Variants in CFAP69 observed in about 807,000 individuals in gnomAD.
CFAP69 encodes cilia- and flagella-associated protein 69.
A neutral mutation model predicts 123.0 loss-of-function variants in CFAP69; 92 were observed. That is an observed-to-expected ratio of 0.75 (90% CI 0.63 to 0.89). The LOEUF (loss-of-function observed/expected upper bound fraction) is 0.89. Among genes scored for constraint, CFAP69 ranks in the 40% least tolerant of loss-of-function variants. The pLI, the probability that CFAP69 is intolerant of heterozygous loss-of-function variation, is 0.00. For missense variants in CFAP69, 1,067 were observed against 1,096.9 expected, an observed-to-expected ratio of 0.97 and a Z score of 0.39; for synonymous variants, 380 against 364.3, an observed-to-expected ratio of 1.04 and a Z score of -0.49.
the CFAP69 span, chr7:90,317,683 C>T: frequency 6.6e-6 from 1 of 152,050 alleles, no homozygotes; most frequent in Non-Finnish European, 1.5e-5. Flanking sequence ...AATAAATGGT[C>T]TATACATCAT....
At chr7:90,261,466 G>GCCTAACCAATTTAAGCATAAT (rs1363201160) in intron 3 of CFAP69, among the ~76,000 whole-genome samples, 6 of 152,124 alleles carry the variant, frequency 3.9e-5, no homozygotes, top group African/African-American at 9.7e-5. Flanking sequence ...ACCAATTTAA[G>GCCTAACCAATTTAAGCATAAT]CCTTAAACAC....
intron 9 of CFAP69, among the ~76,000 whole-genome samples, 163 bp downstream of exon 9, chr7:90,274,273 CT>C (rs1228407608): frequency 6.6e-6 from 1 of 152,170 alleles, no homozygotes; most frequent in Non-Finnish European, 1.5e-5. Flanking sequence ...GCCAATTCTT[CT>C]TTGCAATCCT....
At chr7:90,279,625 A>T in intron 11 of CFAP69, 52 bp from the exon 12 acceptor site, 1 of 1,119,704 alleles carries the variant, frequency 8.9e-7, no homozygotes, top group Non-Finnish European at 1.3e-6. Context: ...TAATTGCCTT[A>T]AAGTATTTTT....
intron 11 of CFAP69, among the ~76,000 whole-genome samples, chr7:90,279,460 A>G (rs1023952138): frequency 1.3e-5 from 2 of 151,964 alleles, no homozygotes; most frequent in African/African-American, 4.8e-5. Flanking sequence ...CATATTTTAT[A>G]TTATTGTCAG....
At chr7:90,272,065 A>G (rs1800033756) in intron 8 of CFAP69, 107 bp downstream of exon 8, 1 of 1,041,216 alleles carries the variant, frequency 9.6e-7, no homozygotes, top group Non-Finnish European at 1.4e-6. Flanking sequence ...TTTTAGATTC[A>G]TGTAATGGCT....
chr7:90,249,660 C>T (rs1796731458), intron 1 of CFAP69, among the ~76,000 whole-genome samples: 1 of 152,018 alleles, frequency 6.6e-6, no homozygotes, highest in South Asian at 2.1e-4. Context: ...GTTTTGTTCC[C>T]CTCATTCTAA....
chr7:90,269,222 G>A (rs907440620), intron 6 of CFAP69, among the ~76,000 whole-genome samples: 4 of 152,032 alleles, frequency 2.6e-5, no homozygotes, highest in African/African-American at 7.2e-5. Context: ...GAGATAGATG[G>A]GGAAGGAGTG....
At chr7:90,287,597 C>CAA in intron 14 of CFAP69, 1 of 985,300 alleles carries the variant, frequency 1.0e-6, no homozygotes, top group African/African-American at 1.7e-5. Flanking sequence ...ATGATGGTTT[C>CAA]AATAGATAGA....
intron 3 of CFAP69, among the ~76,000 whole-genome samples, chr7:90,260,248 G>A (rs981642956): frequency 3.3e-5 from 5 of 151,954 alleles, no homozygotes; most frequent in South Asian, 2.1e-4. Flanking sequence ...TATCAAGCCC[G>A]TGCATTGTGG....
At chr7:90,315,056 A>G (rs767588067), downstream of CFAP69, among the ~76,000 whole-genome samples, 10 of 151,668 alleles carry the variant, frequency 6.6e-5, no homozygotes, top group Non-Finnish European at 1.3e-4. Flanking sequence ...ACAATGAGAT[A>G]CCATCTCACA....
intron 15 of CFAP69, among the ~76,000 whole-genome samples, chr7:90,289,989 G>A (rs550796715): frequency 6.6e-6 from 1 of 152,250 alleles, no homozygotes; most frequent in Admixed American, 6.5e-5. Context: ...CTTCTGTAAT[G>A]TGCTATTTTA....
At chr7:90,263,487 C>T (rs1473212402) in intron 4 of CFAP69, among the ~76,000 whole-genome samples, 1 of 152,116 alleles carries the variant, frequency 6.6e-6, no homozygotes, top group African/African-American at 2.4e-5. Flanking sequence ...TCTTCTGATG[C>T]TTTATCTTAT....
chr7:90,286,054 C>T (rs191034347), intron 13 of CFAP69, among the ~76,000 whole-genome samples: 1 of 152,254 alleles, frequency 6.6e-6, no homozygotes, highest in East Asian at 1.9e-4. Context: ...GTAATCCCAA[C>T]ACTTTGCAAG....
chr7:90,268,598 A>G lies in CFAP69; in HGVS notation c.532+214A>G, dbSNP rs944683838. Among the ~76,000 whole-genome samples, 73 of 152,300 alleles carry G rather than the reference A, an allele frequency of 4.8e-4. 1 individual carries two copies. Among genetic ancestry groups the G allele is most frequent in the African/African-American group, 1.8e-3 (73 of 41,564 alleles). On this transcript the variant is annotated intron_variant, in intron 6 of 22. Transcript: ENST00000389297. ...GCATATTTTTATTCTGATGCTAAAT[A>G]TGAACAAATTTGTAAAGTGATGCCC...
intron 3 of CFAP69, 114 bp from the exon 4 acceptor site, chr7:90,261,833 C>A: frequency 2.0e-6 from 1 of 495,708 alleles, no homozygotes; most frequent in South Asian, 4.6e-5. Flanking sequence ...ACAGTATCTA[C>A]CACATTTGGC....
chr7:90,300,514 T>C lies in CFAP69; in HGVS notation c.2050+455T>C, dbSNP rs75236930. The C allele has an allele frequency of 6.7e-3, 4,673 of 693,254 alleles. 148 individuals carry two copies. The East Asian group carries it at 0.1, about 15-fold the overall frequency. 42.9% of individuals were successfully genotyped at this position (693,254 alleles called of 1,614,324 possible). On this transcript the variant is annotated intron_variant, in intron 17 of 22. Transcript: ENST00000389297. ...AGTTTACTTTTTATATGAAAGAAGA[T>C]ATTGTTTCCTAAATAAAAATAGTCC...
At chr7:90,287,862 A>G in intron 14 of CFAP69, 1 of 514,324 alleles carries the variant, frequency 1.9e-6, no homozygotes, top group South Asian at 8.3e-5. Flanking sequence ...CTTGCATGAT[A>G]GTTCTTACTA....
At chr7:90,287,991 A>T (rs1053435632) in intron 14 of CFAP69, among the ~76,000 whole-genome samples, 2 of 152,092 alleles carry the variant, frequency 1.3e-5, no homozygotes, top group African/African-American at 4.8e-5. Context: ...ATATCAAGGG[A>T]TATTATTAAG....
chr7:90,255,599 T>C lies in CFAP69; in HGVS notation c.180+117T>C, dbSNP rs193021825. 71 of 765,182 alleles carry C rather than the reference T, an allele frequency of 9.3e-5. No individual in the cohort carries two copies. The East Asian group carries it at 1.8e-3, about 19-fold the overall frequency. 47.4% of individuals were successfully genotyped at this position (765,182 alleles called of 1,614,324 possible). A position where few individuals can be genotyped will look rare whatever the true frequency, so the allele number is the denominator to read the frequency against. ...ATTTATCTCGTTTTGTTGAAAACAT[T>C]TTAAATAGTACATATCTTATATTCA... is the stretch of plus-strand genomic sequence containing the variant. On this transcript the variant is annotated intron_variant, in intron 2 of 22. Transcript: ENST00000389297.
Sources: gnomAD v4.1 joint callset for allele counts (sites outside exome capture counted in the v4.1 genomes callset) on GRCh38, gnomAD v4.1.1 for gene constraint, MANE v1.5 for transcripts, NCBI Gene and HGNC (gene_info 2026-07-23, HGNC 2026-07-21) for gene names.